Variants in HBP1 observed in about 807,000 individuals in gnomAD.
The protein encoded by HBP1 is HMG-box transcription factor 1, also known as HMG box-containing protein 1.
In HBP1, 20 loss-of-function variants were observed where a neutral mutation model predicts 62.6. The observed-to-expected ratio is 0.32, with a 90% CI of 0.22 to 0.46. The LOEUF (loss-of-function observed/expected upper bound fraction) is 0.46, where lower values mean the gene tolerates loss of function less well. Ranked by LOEUF, HBP1 falls within the 20% of genes least tolerant of loss-of-function variation. HBP1 has a pLI of 1.00. For synonymous variants in HBP1, 232 were observed against 206.2 expected (o/e 1.12, Z -1.07); for missense variants, 480 against 611.8 (o/e 0.78, Z 2.27).
chr7:107,170,020 A>G, intron 1 of HBP1: 1 of 985,460 alleles, frequency 1.0e-6, no homozygotes, highest in African/African-American at 1.7e-5. Context: ...GTAGCTTTAA[A>G]TGCTGCGTGC....
chr7:107,178,726 G>A (rs1020580643), intron 1 of HBP1, among the ~76,000 whole-genome samples: 1 of 152,146 alleles, frequency 6.6e-6, no homozygotes, highest in Non-Finnish European at 1.5e-5. Context: ...ACTCTGAAAT[G>A]TTATTTAGAA....
intron 3 of HBP1, among the ~76,000 whole-genome samples, chr7:107,184,280 A>AT (rs1379662320): frequency 1.3e-5 from 2 of 152,332 alleles, no homozygotes; most frequent in East Asian, 3.9e-4. Flanking sequence ...AAGATGAAAC[A>AT]TTCAGCATAT....
chr7:107,192,256 C>T (rs939023833), intron 8 of HBP1, among the ~76,000 whole-genome samples: 1 of 151,902 alleles, frequency 6.6e-6, no homozygotes, highest in Non-Finnish European at 1.5e-5. Context: ...AACTACTCTT[C>T]TCAGTTGTGG....
chr7:107,180,735 G>A (rs1478862024), intron 2 of HBP1, among the ~76,000 whole-genome samples: 3 of 152,240 alleles, frequency 2.0e-5, no homozygotes, highest in Non-Finnish European at 4.4e-5. Flanking sequence ...TATGTACTAT[G>A]GTAATGTTTG....
At chr7:107,183,682 CT>C (rs1250973447) in intron 3 of HBP1, among the ~76,000 whole-genome samples, 2 of 147,884 alleles carry the variant, frequency 1.4e-5, no homozygotes, top group African/African-American at 2.5e-5. Flanking sequence ...TTTTTTTTCA[CT>C]TTTTACAGCA....
At chr7:107,178,602 T>A (rs1002015847) in intron 1 of HBP1, among the ~76,000 whole-genome samples, 4 of 152,208 alleles carry the variant, frequency 2.6e-5, no homozygotes, top group Non-Finnish European at 5.9e-5. Context: ...ATACATAATA[T>A]CCTATTCAGA....
intron 6 of HBP1, among the ~76,000 whole-genome samples, chr7:107,188,337 C>T (rs1037871340): frequency 1.3e-5 from 2 of 152,152 alleles, no homozygotes; most frequent in African/African-American, 4.8e-5. Flanking sequence ...TTATTATCAT[C>T]CTTCTTGATT....
intron 2 of HBP1, among the ~76,000 whole-genome samples, chr7:107,181,290 G>A (rs1409960261): frequency 6.6e-6 from 1 of 152,032 alleles, no homozygotes; most frequent in Non-Finnish European, 1.5e-5. Context: ...AACGTAGTGA[G>A]ATATCATCTC....
intron 3 of HBP1, 90 bp downstream of exon 3, chr7:107,182,691 C>CT: frequency 1.5e-6 from 1 of 647,864 alleles, no homozygotes; most frequent in Non-Finnish European, 2.6e-6. Flanking sequence ...AGTAGTAATA[C>CT]TTTAAATTAT....
intron 10 of HBP1, chr7:107,201,016 T>C (rs558053887): frequency 6.3e-6 from 1 of 159,778 alleles, no homozygotes; most frequent in African/African-American, 2.4e-5. Context: ...TGGCCAAAGA[T>C]GTTTTAAATT....
In HBP1 at chr7:107,171,860, C is replaced by CAA. The variant is rs367641713; in HGVS notation, c.-16+2692_-16+2693dup. 4.6e-3 allele frequency among the ~76,000 whole-genome samples: 291 copies of CAA among 63,772 alleles called. 3 individuals are homozygous for CAA. The highest frequency in any genetic ancestry group is 6.9e-3 in the Non-Finnish European group (240 of 34,578). The allele number at this position is 63,772 out of a possible 152,430, so 41.8% of individuals were successfully genotyped here. On this transcript the variant is annotated intron_variant, in intron 1 of 10. Transcript: ENST00000222574. ...GGGCATCAGAACGAGACTTCCTCTC[C>CAA]AAAAAAAAAAAAAAAAAAGAGTCAA...
intron 1 of HBP1, chr7:107,173,333 A>G (rs1467649015): frequency 2.0e-5 from 3 of 152,244 alleles, no homozygotes; most frequent in Non-Finnish European, 4.4e-5. Context: ...GGGAGAGCAT[A>G]TAGAAGATCC....
intron 3 of HBP1, among the ~76,000 whole-genome samples, chr7:107,183,917 T>C (rs1797232571): frequency 6.6e-6 from 1 of 152,220 alleles, no homozygotes; most frequent in Non-Finnish European, 1.5e-5. Flanking sequence ...AGCTTTGATA[T>C]CTGAAGTCTA....
Position 107,171,073 on chromosome 7 carries a change from A to ATATTT in HBP1, c.-16+1889_-16+1890insATTTT. The stretch of plus-strand genomic sequence containing the variant: ...TATATATATATATATATATATATAT[A>ATATTT]TTTTTTTTTTTTTTTGAGAGGGAGT... On this transcript the variant is annotated intron_variant, in intron 1 of 10. Coordinates refer to ENST00000222574, the MANE Select transcript of HBP1 (RefSeq NM_012257.4). Among the ~76,000 whole-genome samples, 88 of 87,198 alleles carry ATATTT rather than the reference A, an allele frequency of 1.0e-3. 2 individuals are homozygous for ATATTT. Among genetic ancestry groups the ATATTT allele is most frequent in the Admixed American group, 1.6e-3 (11 of 6,852 alleles). 57.2% of individuals were successfully genotyped at this position (87,198 alleles called of 152,430 possible).
At chr7:107,191,506 TA>T (rs1255867861) in intron 8 of HBP1, among the ~76,000 whole-genome samples, 1 of 152,192 alleles carries the variant, frequency 6.6e-6, no homozygotes, top group African/African-American at 2.4e-5. Flanking sequence ...TCTAGAGAAG[TA>T]AATTCTTGTA....
At chr7:107,189,856 AGTCATTTATCACTTATT>A (rs1476306323) in intron 7 of HBP1, 3 of 249,866 alleles carry the variant, frequency 1.2e-5, no homozygotes, top group Non-Finnish European at 2.3e-5. Flanking sequence ...TCATGGTCTC[AGTCATTTATCACTTATT>A]GTCATTGTAG....
At chr7:107,198,212 CTT>C (rs549300447) in intron 9 of HBP1, among the ~76,000 whole-genome samples, 2 of 144,686 alleles carry the variant, frequency 1.4e-5, no homozygotes, top group Non-Finnish European at 3.1e-5. Context: ...GCTCAAAAAT[CTT>C]TTTTTTTTTT....
chr7:107,196,032 C>G lies in HBP1; in HGVS notation c.1266C>G (p.Ser422Arg), dbSNP rs973708960. 1.4e-5 allele frequency: 22 copies of G among 1,613,136 alleles called. No individual in the cohort carries two copies. The highest frequency in any genetic ancestry group is 1.7e-5 in the Non-Finnish European group (20 of 1,179,218). ...SLYAKAVKNH[S>R]SGTVSATSPN... ...ATGCTAAAGCTGTCAAAAACCACAG[C>G]TCAGGGACTGTGAGTGCCACTTCTC... Residue 422 changes from serine (S) to arginine (R), a missense_variant, in exon 9 of 11, where the codon AGC becomes AGG. Coordinates refer to ENST00000222574, the MANE Select transcript of HBP1 (RefSeq NM_012257.4).
chr7:107,193,811 C>T (rs1797762751), intron 8 of HBP1, among the ~76,000 whole-genome samples: 1 of 152,094 alleles, frequency 6.6e-6, no homozygotes, highest in Non-Finnish European at 1.5e-5. Context: ...CAAATCCTGG[C>T]TCTGCAATTG....
Sources: allele counts gnomAD v4.1 joint callset (sites outside exome capture counted in the v4.1 genomes callset), GRCh38; gene constraint gnomAD v4.1.1; transcripts MANE v1.5; gene names NCBI Gene and HGNC (gene_info 2026-07-23, HGNC 2026-07-21).